Variants in NDST3 observed in about 807,000 individuals in gnomAD.
NDST3 encodes N-deacetylase and N-sulfotransferase 3.
NDST3 carries 58 observed loss-of-function variants against 96.1 expected under a neutral mutation model. The ratio of observed to expected loss-of-function variants is 0.60; its 90% CI spans 0.49 to 0.75. NDST3 has a LOEUF of 0.75. Among genes scored for constraint, NDST3 ranks in the 30% least tolerant of loss-of-function variants. The pLI is 0.00. For synonymous variants in NDST3, 333 were observed against 359.7 expected, an observed-to-expected ratio of 0.93 and a Z score of 0.84; for missense variants, 788 against 1,034.2, an observed-to-expected ratio of 0.76 and a Z score of 3.27.
At chr4:118,104,565 A>T (rs1201628280) in intron 2 of NDST3, among the ~76,000 whole-genome samples, 1 of 152,170 alleles carries the variant, frequency 6.6e-6, no homozygotes, top group Non-Finnish European at 1.5e-5. Flanking sequence ...ATCTTTTGGG[A>T]ATCTCAGATT....
Position 118,256,128 on chromosome 4 carries a change from T to C in NDST3, c.*416T>C, listed in dbSNP as rs1742112559. ...TCTTATTATTTTATTCTATAAAGTGTCCTATGAAACAAGAAGCAAAATAAA... is the reference window on the plus strand; with the variant it reads ...TCTTATTATTTTATTCTATAAAGTGCCCTATGAAACAAGAAGCAAAATAAA... On this transcript the variant is annotated 3_prime_UTR_variant, in exon 14 of 14. Transcript: ENST00000296499. 1 of 152,462 alleles carries C rather than the reference T, an allele frequency of 6.6e-6. No individual in the cohort carries two copies. The highest frequency in any genetic ancestry group is 1.5e-5 in the Non-Finnish European group (1 of 68,214). 9.4% of individuals were successfully genotyped at this position (152,462 alleles called of 1,614,324 possible).
intron 8 of NDST3, among the ~76,000 whole-genome samples, chr4:118,229,494 A>G (rs772097318): frequency 7.9e-5 from 12 of 152,318 alleles, no homozygotes; most frequent in Non-Finnish European, 1.8e-4. Context: ...TTCAGACCCA[A>G]GAATATGTAC....
chr4:118,188,258 C>T (rs990873717), intron 6 of NDST3, among the ~76,000 whole-genome samples: 12 of 149,180 alleles, frequency 8.0e-5, no homozygotes, highest in Non-Finnish European at 1.5e-4. Flanking sequence ...AGGACAGTTA[C>T]ACCACCTATA....
intron 2 of NDST3, among the ~76,000 whole-genome samples, chr4:118,063,909 T>C (rs1726098390): frequency 6.6e-6 from 1 of 152,082 alleles, no homozygotes; most frequent in South Asian, 2.1e-4. Context: ...TGGTGTTAGG[T>C]GGTGTCCATA....
intron 8 of NDST3, among the ~76,000 whole-genome samples, chr4:118,228,544 T>C (rs1034833881): frequency 1.3e-5 from 2 of 152,256 alleles, no homozygotes; most frequent in Non-Finnish European, 2.9e-5. Context: ...AGACCTTTTA[T>C]AGAAATTGAT....
chr4:118,249,923 C>T lies in NDST3; in HGVS notation c.2400-3576C>T, dbSNP rs1741573006. Among the ~76,000 whole-genome samples the T allele has an allele frequency of 3.3e-5, 5 of 152,244 alleles. No homozygotes were observed. In the South Asian group the frequency reaches 1.0e-3, roughly 32 times the overall value. ...GTATAATCCAAAAAATTTAATCATG[C>T]TCCGCTGTAGTCAACACTTTCTACT... On this transcript the variant is annotated intron_variant, in intron 12 of 13. Transcript: ENST00000296499.
intron 11 of NDST3, 87 bp from the exon 12 acceptor site, chr4:118,241,953 C>T: frequency 1.1e-6 from 1 of 872,394 alleles, no homozygotes; most frequent in Non-Finnish European, 1.9e-6. Flanking sequence ...CAGTGTCTCT[C>T]ACTGAATGAG....
chr4:118,059,968 G>C (rs1250329334), intron 2 of NDST3, among the ~76,000 whole-genome samples: 2 of 151,906 alleles, frequency 1.3e-5, no homozygotes, highest in Admixed American at 1.3e-4. Flanking sequence ...GCATGTATCT[G>C]CTTGATCCCA....
chr4:118,130,136 A>G (rs1403304469), intron 4 of NDST3, among the ~76,000 whole-genome samples: 3 of 151,888 alleles, frequency 2.0e-5, no homozygotes, highest in Non-Finnish European at 4.4e-5. Flanking sequence ...ATTTTCATCC[A>G]TTTGGCCACT....
intron 4 of NDST3, among the ~76,000 whole-genome samples, chr4:118,124,414 T>C (rs1231976365): frequency 2.0e-5 from 3 of 152,072 alleles, no homozygotes; most frequent in Admixed American, 2.0e-4. Flanking sequence ...GACCAATAAC[T>C]TTGTTTATAT....
chr4:118,138,459 A>AGTGC (rs1420436076), intron 5 of NDST3, among the ~76,000 whole-genome samples: 1 of 152,250 alleles, frequency 6.6e-6, no homozygotes, highest in Non-Finnish European at 1.5e-5. Context: ...TGACATTACC[A>AGTGC]CTGGTAAGCA....
intron 4 of NDST3, among the ~76,000 whole-genome samples, chr4:118,116,448 C>T (rs960893821): frequency 1.3e-5 from 2 of 151,540 alleles, no homozygotes; most frequent in South Asian, 4.2e-4. Context: ...ATGTCATTCA[C>T]TGTTACATCT....
At chr4:118,144,086 G>A (rs1226197637) in intron 6 of NDST3, among the ~76,000 whole-genome samples, 2 of 152,036 alleles carry the variant, frequency 1.3e-5, no homozygotes, top group Non-Finnish European at 2.9e-5. Flanking sequence ...CAAAATAGTA[G>A]AGGAATTAGG....
intron 12 of NDST3, among the ~76,000 whole-genome samples, chr4:118,246,582 G>A (rs905591764): frequency 7.9e-5 from 12 of 151,880 alleles, no homozygotes; most frequent in African/African-American, 2.7e-4. Context: ...CTCCAACCTG[G>A]GGAACAAGAG....
At chr4:118,098,300 C>A (rs151040948) in intron 2 of NDST3, among the ~76,000 whole-genome samples, 3 of 151,938 alleles carry the variant, frequency 2.0e-5, no homozygotes, top group African/African-American at 7.2e-5. Flanking sequence ...CTTTTCTGCA[C>A]AATTGAATGA....
At chr4:118,066,275 T>A (rs1466212956) in intron 2 of NDST3, among the ~76,000 whole-genome samples, 1 of 10,844 alleles carries the variant, frequency 9.2e-5, no homozygotes, top group African/African-American at 1.3e-4. Context: ...TTATATATAT[T>A]ATATATTATA....
upstream of NDST3, chr4:118,033,540 C>G (rs577197168): frequency 2.0e-5 from 3 of 151,814 alleles, no homozygotes; most frequent in Non-Finnish European, 4.4e-5. Flanking sequence ...TCCTCAGCTC[C>G]CGCTCCCTCC....
intron 6 of NDST3, chr4:118,194,803 G>A (rs1737560334): frequency 2.6e-6 from 1 of 384,620 alleles, no homozygotes; most frequent in African/African-American, 2.1e-5. Flanking sequence ...AGCATACTCT[G>A]AGCCAAAGGC....
At chr4:118,070,238 A>G (rs566290036) in intron 2 of NDST3, among the ~76,000 whole-genome samples, 1 of 152,256 alleles carries the variant, frequency 6.6e-6, no homozygotes. Flanking sequence ...TCTTTAAAAC[A>G]TTACTAAGGA....
Sources: gnomAD v4.1 joint callset for allele counts (sites outside exome capture counted in the v4.1 genomes callset) on GRCh38, gnomAD v4.1.1 for gene constraint, MANE v1.5 for transcripts, NCBI Gene and HGNC (gene_info 2026-07-23, HGNC 2026-07-21) for gene names.